The following EYS variants were observed in gnomAD, a reference collection of about 807,000 sequenced individuals.
EYS encodes the protein protein eyes shut homolog.
A neutral mutation model predicts 282.1 loss-of-function variants in EYS; 250 were observed. The ratio of observed to expected loss-of-function variants is 0.89; its 90% CI spans 0.80 to 0.98. The LOEUF is 0.98. EYS is among the 50% of genes least tolerant of loss of function. EYS has a pLI of 0.00. For synonymous variants in EYS, 1,355 were observed against 1,282.9 expected, an observed-to-expected ratio of 1.06 and a Z score of -1.20; for missense variants, 4,016 against 3,709.0, an observed-to-expected ratio of 1.08 and a Z score of -2.15.
intron 12 of EYS, among the ~76,000 whole-genome samples, chr6:65,282,181 A>C (rs919236171): frequency 2.0e-5 from 3 of 152,000 alleles, no homozygotes; most frequent in Admixed American, 2.0e-4. Flanking sequence ...ATATAGGTTA[A>C]TAATAGAGTA....
At chr6:65,140,942 C>T (rs1419891935) in intron 12 of EYS, among the ~76,000 whole-genome samples, 3 of 150,848 alleles carry the variant, frequency 2.0e-5, no homozygotes, top group Non-Finnish European at 4.4e-5. Flanking sequence ...GGCGATTCCT[C>T]AGGGATCTAG....
intron 2 of EYS, among the ~76,000 whole-genome samples, chr6:65,638,472 A>ACC (rs1177475469): frequency 1.3e-5 from 2 of 152,168 alleles, no homozygotes; most frequent in Non-Finnish European, 2.9e-5. Context: ...GGGACGCCAG[A>ACC]CCTAGGGGCT....
intron 26 of EYS, among the ~76,000 whole-genome samples, chr6:64,562,992 C>T (rs1439350486): frequency 6.6e-6 from 1 of 151,890 alleles, no homozygotes; most frequent in Admixed American, 6.6e-5. Flanking sequence ...ATGCAATATG[C>T]AAATGCATTA....
At chr6:64,378,688 C>G (rs1297612868) in intron 29 of EYS, among the ~76,000 whole-genome samples, 1 of 152,150 alleles carries the variant, frequency 6.6e-6, no homozygotes, top group African/African-American at 2.4e-5. Flanking sequence ...AAAGCCCAAG[C>G]AAGCATAAAT....
intron 29 of EYS, among the ~76,000 whole-genome samples, chr6:64,347,594 G>GAA (rs11377414): frequency 3.0e-4 from 45 of 149,942 alleles, no homozygotes; most frequent in African/African-American, 6.3e-4. Context: ...GATACGCAAA[G>GAA]AAAAAAAAAC....
chr6:63,798,018 T>G (rs1481493386), intron 37 of EYS: 4 of 152,224 alleles, frequency 2.6e-5, no homozygotes, highest in Non-Finnish European at 5.9e-5. Flanking sequence ...ATAAGGGATG[T>G]AAGCACCAGT....
At chr6:65,432,659 T>C (rs1582283838) in intron 5 of EYS, among the ~76,000 whole-genome samples, 1 of 152,036 alleles carries the variant, frequency 6.6e-6, no homozygotes, top group African/African-American at 2.4e-5. Context: ...TTATAGGGCA[T>C]TTTGAAGGCT....
At chr6:63,885,229 C>T (rs1773234421) in intron 35 of EYS, among the ~76,000 whole-genome samples, 1 of 152,096 alleles carries the variant, frequency 6.6e-6, no homozygotes, top group South Asian at 2.1e-4. Context: ...GGGTAGATCC[C>T]AATTACTGGC....
chr6:64,927,000 A>G (rs1768539489), intron 15 of EYS, among the ~76,000 whole-genome samples: 1 of 152,208 alleles, frequency 6.6e-6, no homozygotes, highest in Admixed American at 6.5e-5. Flanking sequence ...AGAATTTTAT[A>G]GCTGAATCTT....
At chr6:64,876,020 AT>A (rs1362081416) in intron 19 of EYS, among the ~76,000 whole-genome samples, 3 of 151,948 alleles carry the variant, frequency 2.0e-5, no homozygotes, top group African/African-American at 7.2e-5. Flanking sequence ...TTAATTTGCT[AT>A]TGGTTTCAAT....
chr6:64,401,040 G>A (rs1199176429), intron 28 of EYS, among the ~76,000 whole-genome samples: 2 of 151,954 alleles, frequency 1.3e-5, no homozygotes, highest in African/African-American at 2.4e-5. Context: ...AGAGATGAGG[G>A]TGACCTACTG....
intron 12 of EYS, among the ~76,000 whole-genome samples, chr6:65,184,969 G>A (rs544846199): frequency 6.6e-6 from 1 of 150,522 alleles, no homozygotes; most frequent in East Asian, 2.0e-4. Context: ...AAAATATTTT[G>A]TTCTAGTATG....
intron 5 of EYS, among the ~76,000 whole-genome samples, chr6:65,487,073 G>C (rs1223284012): frequency 2.0e-5 from 3 of 152,138 alleles, no homozygotes; most frequent in African/African-American, 7.2e-5. Context: ...GGAGATTTTG[G>C]GCTCAGACAA....
intron 2 of EYS, among the ~76,000 whole-genome samples, chr6:65,557,266 A>C (rs1768852888): frequency 6.6e-6 from 1 of 152,080 alleles, no homozygotes. Flanking sequence ...CCCAGATCCC[A>C]CACCTGCCAA....
intron 13 of EYS, among the ~76,000 whole-genome samples, chr6:65,056,093 A>G (rs1040004521): frequency 2.0e-5 from 3 of 152,030 alleles, no homozygotes; most frequent in Non-Finnish European, 2.9e-5. Context: ...CATTTCCATT[A>G]GTATGGACTC....
At chr6:65,193,923 C>T (rs1765703230) in intron 12 of EYS, among the ~76,000 whole-genome samples, 1 of 151,754 alleles carries the variant, frequency 6.6e-6, no homozygotes, top group South Asian at 2.1e-4. Flanking sequence ...ATAATAACAT[C>T]GTTTTAACTT....
At chr6:63,871,719 A>G (rs1772809764) in intron 35 of EYS, among the ~76,000 whole-genome samples, 1 of 152,106 alleles carries the variant, frequency 6.6e-6, no homozygotes. Flanking sequence ...ACCCTTTATA[A>G]TCCTTCCTTG....
At chr6:64,459,972 A>T (rs558337798) in intron 26 of EYS, among the ~76,000 whole-genome samples, 5 of 151,662 alleles carry the variant, frequency 3.3e-5, no homozygotes, top group Non-Finnish European at 7.4e-5. Context: ...ACAAAACCCC[A>T]AAAACTAGTG....
rs1769024828 is a variant in EYS at position 64,018,775 on chromosome 6, T to G, written c.6726-19592A>C. 1.5e-5 allele frequency among the ~76,000 whole-genome samples: 2 copies of G among 132,180 alleles called. 1 individual carries two copies. Among genetic ancestry groups the G allele is most frequent in the Non-Finnish European group, 3.2e-5 (2 of 61,956 alleles). 86.7% of individuals were successfully genotyped at this position (132,180 alleles called of 152,430 possible). On this transcript the variant is annotated intron_variant, in intron 33 of 42. Transcript: ENST00000503581. The stretch of plus-strand genomic sequence containing the variant: ...ATCACAAGTGTTTTTTTTTTTTTTT[T>G]TTTTTTTTTTTTTTGTCGAGACAGA...
Sources: gnomAD v4.1 joint callset for allele counts (sites outside exome capture counted in the v4.1 genomes callset) on GRCh38, gnomAD v4.1.1 for gene constraint, MANE v1.5 for transcripts, NCBI Gene and HGNC (gene_info 2026-07-23, HGNC 2026-07-21) for gene names.